Variants in ANKRD29 observed in about 807,000 individuals in gnomAD.
ANKRD29 encodes ankyrin repeat domain-containing protein 29.
ANKRD29 carries 32 observed loss-of-function variants against 38.0 expected under a neutral mutation model. The observed-to-expected ratio is 0.84, with a 90% CI of 0.64 to 1.13. ANKRD29 has a LOEUF of 1.13. ANKRD29 is among the 50% of genes most tolerant of loss of function. ANKRD29 has a pLI of 0.00. For missense variants in ANKRD29, 357 were observed against 377.9 expected (o/e 0.94, Z 0.46); for synonymous variants, 135 against 152.4 (o/e 0.89, Z 0.84).
rs561012943 is a variant in ANKRD29 at position 23,660,955 on chromosome 18, C to T, written c.21+1755G>A. 5.3e-5 allele frequency among the ~76,000 whole-genome samples: 8 copies of T among 152,364 alleles called. No homozygotes were observed. In the South Asian group the frequency reaches 1.7e-3, roughly 32 times the overall value. ...ACTGAAAGTGCTCTTGGCAAGGTCA[C>T]CAGTGCCTATTCCGTCACTAAATCC... On this transcript the variant is annotated intron_variant, in intron 1 of 9. Coordinates refer to ENST00000592179, the MANE Select transcript of ANKRD29 (RefSeq NM_173505.4).
At chr18:23,601,629 A>T (rs2059513427) in intron 9 of ANKRD29, among the ~76,000 whole-genome samples, 1 of 152,276 alleles carries the variant, frequency 6.6e-6, no homozygotes. Flanking sequence ...AATGTGCTCA[A>T]TAAGTACCGG....
intron 1 of ANKRD29, among the ~76,000 whole-genome samples, chr18:23,656,330 G>A (rs559911082): frequency 3.9e-5 from 6 of 152,152 alleles, no homozygotes. Context: ...AGCCTAAATT[G>A]TGACTTATAA....
intron 4 of ANKRD29, 127 bp from the exon 5 acceptor site, chr18:23,634,276 CTGTTT>C: frequency 6.7e-6 from 3 of 447,524 alleles, no homozygotes; most frequent in Admixed American, 4.1e-5. Context: ...CTCACTTTCC[CTGTTT>C]TTTTTTTTTT....
intron 9 of ANKRD29, among the ~76,000 whole-genome samples, chr18:23,609,612 T>C (rs1403103546): frequency 1.3e-5 from 2 of 152,212 alleles, no homozygotes; most frequent in Non-Finnish European, 2.9e-5. Context: ...TCCAGCATTT[T>C]GCCCACTTGA....
intron 5 of ANKRD29, among the ~76,000 whole-genome samples, chr18:23,631,990 G>A (rs541388499): frequency 2.0e-5 from 3 of 152,214 alleles, no homozygotes; most frequent in East Asian, 1.9e-4. Flanking sequence ...CCTCCCATTG[G>A]GAACACTAAC....
chr18:23,636,124 C>A (rs996485512), intron 4 of ANKRD29, among the ~76,000 whole-genome samples: 14 of 152,008 alleles, frequency 9.2e-5, no homozygotes, highest in Non-Finnish European at 2.1e-4. Flanking sequence ...TATGGAGGAA[C>A]TGCTGTTATT....
At chr18:23,654,861 C>T (rs1364215950) in intron 1 of ANKRD29, among the ~76,000 whole-genome samples, 1 of 152,044 alleles carries the variant, frequency 6.6e-6, no homozygotes, top group Non-Finnish European at 1.5e-5. Context: ...TTTATTTGTA[C>T]AGAACTGGAA....
chr18:23,648,243 G>A (rs1282961051), intron 2 of ANKRD29, among the ~76,000 whole-genome samples: 1 of 152,232 alleles, frequency 6.6e-6, no homozygotes, highest in African/African-American at 2.4e-5. Context: ...TGTGGAGTGG[G>A]TCTGGAGGTG....
intron 9 of ANKRD29, among the ~76,000 whole-genome samples, chr18:23,605,225 A>G (rs767013247): frequency 5.9e-5 from 9 of 151,820 alleles, no homozygotes; most frequent in Non-Finnish European, 1.0e-4. Context: ...CCGGCCCAGA[A>G]TTCTGTTTTA....
At position 23,612,134 on chromosome 18, in the gene ANKRD29, C is replaced by T. The variant is rs139405355; in HGVS notation, c.780G>A (p.Ala260=). Residue 260 remains alanine, a synonymous_variant, in exon 9 of 10, where the codon GCG becomes GCA. Transcript: ENST00000592179. ...AVLSGNIKTV[A]LLLEAGADPS... ...GGTCTGCCCCTGCTTCTAGGAGCAGCGCAACTGTTTTAATGTTTCCACTGA... is the reference window on the plus strand; with the variant it reads ...GGTCTGCCCCTGCTTCTAGGAGCAGTGCAACTGTTTTAATGTTTCCACTGA... 24 of 1,613,794 alleles carry T rather than the reference C, an allele frequency of 1.5e-5. No individual in the cohort carries two copies. Among genetic ancestry groups the T allele is most frequent in the African/African-American group, 5.3e-5 (4 of 74,888 alleles).
chr18:23,629,698 C>T (rs2059905195), intron 6 of ANKRD29, among the ~76,000 whole-genome samples, 155 bp downstream of exon 6: 1 of 152,204 alleles, frequency 6.6e-6, no homozygotes, highest in African/African-American at 2.4e-5. Context: ...ACAGGAGATA[C>T]CCTAATCAAA....
At chr18:23,619,337 G>T in intron 7 of ANKRD29, 194 bp downstream of exon 7, 1 of 583,100 alleles carries the variant, frequency 1.7e-6, no homozygotes, top group Non-Finnish European at 2.9e-6. Context: ...CCTCTCTAGT[G>T]CGTCCCAAGG....
chr18:23,624,375 G>C (rs1568021667), intron 6 of ANKRD29, among the ~76,000 whole-genome samples: 1 of 144,206 alleles, frequency 6.9e-6, no homozygotes, highest in Non-Finnish European at 1.5e-5. Context: ...TCTGAGGCAG[G>C]AGAATCACTT....
chr18:23,618,749 C>T (rs2059755289), intron 7 of ANKRD29: 1 of 144,610 alleles, frequency 6.9e-6, no homozygotes, highest in Non-Finnish European at 1.5e-5. Flanking sequence ...ATAATTCTCC[C>T]GTAGCCAAGA....
chr18:23,609,435 C>T (rs1345281011), intron 9 of ANKRD29: 1 of 152,216 alleles, frequency 6.6e-6, no homozygotes, highest in Non-Finnish European at 1.5e-5. Context: ...CTCGGAGATA[C>T]TGATTTGAGT....
At chr18:23,604,530 G>A (rs961517176) in intron 9 of ANKRD29, among the ~76,000 whole-genome samples, 4 of 151,924 alleles carry the variant, frequency 2.6e-5, no homozygotes, top group African/African-American at 9.7e-5. Context: ...CGCCCAACAG[G>A]TGCTTTTTTT....
chr18:23,605,113 G>A (rs1236687382), intron 9 of ANKRD29, among the ~76,000 whole-genome samples: 2 of 151,952 alleles, frequency 1.3e-5, no homozygotes, highest in East Asian at 1.9e-4. Flanking sequence ...TAGAGATGGG[G>A]TTTCGCCATG....
At chr18:23,640,242 T>A (rs2060056632) in intron 3 of ANKRD29, among the ~76,000 whole-genome samples, 1 of 152,072 alleles carries the variant, frequency 6.6e-6, no homozygotes. Context: ...GGAAGGGAAT[T>A]CCCCCAGGAG....
At chr18:23,646,159 A>T in intron 3 of ANKRD29, 30 bp downstream of exon 3, 1 of 1,606,106 alleles carries the variant, frequency 6.2e-7, no homozygotes, top group South Asian at 1.1e-5. Flanking sequence ...GAGCCTGGTC[A>T]TTTTTCTTCA....
Sources: allele counts gnomAD v4.1 joint callset (sites outside exome capture counted in the v4.1 genomes callset), GRCh38; gene constraint gnomAD v4.1.1; transcripts MANE v1.5; gene names NCBI Gene and HGNC (gene_info 2026-07-23, HGNC 2026-07-21).